CSMD1: variants seen among roughly 807,000 people sequenced by gnomAD.
The protein encoded by CSMD1 is CUB and Sushi multiple domains 1, also known as CUB and sushi domain-containing protein 1.
Under a neutral mutation model 417.5 loss-of-function variants are expected in CSMD1, and 213 were observed. The ratio of observed to expected loss-of-function variants is 0.51; its 90% CI spans 0.46 to 0.57. CSMD1 has a LOEUF of 0.57. CSMD1 is among the 20% of genes least tolerant of loss of function. The pLI, the probability that CSMD1 is intolerant of heterozygous loss-of-function variation, is 0.00. For missense variants in CSMD1, 6,923 were observed against 4,529.7 expected, an observed-to-expected ratio of 1.53 and a Z score of -15.17; for synonymous variants, 2,862 against 1,736.8, an observed-to-expected ratio of 1.65 and a Z score of -16.11.
chr8:3,254,847 G>T (rs1449868270), intron 26 of CSMD1, among the ~76,000 whole-genome samples: 1 of 151,960 alleles, frequency 6.6e-6, no homozygotes, highest in Non-Finnish European at 1.5e-5. Context: ...TCGTTTGCTA[G>T]TCTGAAGCCT....
chr8:4,502,271 G>A lies in CSMD1; in HGVS notation c.303-82206C>T, dbSNP rs181719499. Among the ~76,000 whole-genome samples the A allele has an allele frequency of 6.4e-4, 97 of 152,028 alleles. 2 individuals are homozygous for A. The highest frequency in any genetic ancestry group is 2.5e-4 in the Non-Finnish European group (17 of 67,976). ...GTTCTGGGTGCACATTCTTGCACTC[G>A]CATATCATTTTAGATTCTCCGAGGC... is the stretch of plus-strand genomic sequence containing the variant. On this transcript the variant is annotated intron_variant, in intron 2 of 69. Coordinates refer to ENST00000635120, the MANE Select transcript of CSMD1 (RefSeq NM_033225.6).
At chr8:4,490,865 C>T (rs1022970772) in intron 2 of CSMD1, among the ~76,000 whole-genome samples, 12 of 152,124 alleles carry the variant, frequency 7.9e-5, no homozygotes, top group South Asian at 2.1e-4. Context: ...TGTTACAGGA[C>T]GTGATTTAAT....
chr8:3,024,811 A>G (rs943710284), intron 51 of CSMD1, among the ~76,000 whole-genome samples: 20 of 152,228 alleles, frequency 1.3e-4, no homozygotes, highest in African/African-American at 4.1e-4. Flanking sequence ...ATTGCACTAA[A>G]GCTGGTTGTG....
At chr8:3,515,439 C>G (rs996352455) in intron 10 of CSMD1, 13 of 152,114 alleles carry the variant, frequency 8.5e-5, no homozygotes, top group African/African-American at 2.9e-4. Flanking sequence ...AATTTGCTAA[C>G]TAGAGATTTG....
intron 7 of CSMD1, among the ~76,000 whole-genome samples, chr8:3,676,366 T>C (rs1799375205): frequency 6.6e-6 from 1 of 152,170 alleles, no homozygotes; most frequent in Non-Finnish European, 1.5e-5. Flanking sequence ...GGCAGGATTG[T>C]TGTCAAAACT....
chr8:3,121,103 A>T (rs1187187588), intron 41 of CSMD1, among the ~76,000 whole-genome samples: 1 of 151,858 alleles, frequency 6.6e-6, no homozygotes, highest in Non-Finnish European at 1.5e-5. Context: ...AAAAAAAAAT[A>T]GGGAGAGACT....
chr8:3,869,726 GACCC>G (rs755598656), intron 5 of CSMD1, among the ~76,000 whole-genome samples: 3 of 152,082 alleles, frequency 2.0e-5, no homozygotes, highest in Non-Finnish European at 4.4e-5. Context: ...ATCCTGGCAG[GACCC>G]ACCCCAGCAG....
At chr8:3,703,745 A>C (rs1801005097) in intron 7 of CSMD1, among the ~76,000 whole-genome samples, 1 of 152,102 alleles carries the variant, frequency 6.6e-6, no homozygotes, top group Non-Finnish European at 1.5e-5. Flanking sequence ...AGTTTGTTTT[A>C]AATCTATGGC....
chr8:3,103,493 T>C (rs1029413313), intron 46 of CSMD1, among the ~76,000 whole-genome samples: 1 of 151,920 alleles, frequency 6.6e-6, no homozygotes, highest in Non-Finnish European at 1.5e-5. Context: ...CATTCTCACA[T>C]CTGAACTCAT....
At chr8:4,940,706 A>T (rs1807939239) in intron 1 of CSMD1, among the ~76,000 whole-genome samples, 1 of 152,222 alleles carries the variant, frequency 6.6e-6, no homozygotes, top group Non-Finnish European at 1.5e-5. Flanking sequence ...AACCAATTAA[A>T]ATATGCATGT....
intron 49 of CSMD1, among the ~76,000 whole-genome samples, chr8:3,068,171 ATT>A (rs1305111324): frequency 6.6e-6 from 1 of 152,016 alleles, no homozygotes; most frequent in Admixed American, 6.5e-5. Context: ...AGTTTTCACC[ATT>A]TCTCTCTGTG....
At chr8:4,395,968 A>G (rs1239160996) in intron 3 of CSMD1, among the ~76,000 whole-genome samples, 2 of 152,200 alleles carry the variant, frequency 1.3e-5, no homozygotes, top group African/African-American at 2.4e-5. Flanking sequence ...TTAACTTTAG[A>G]TAAATATATT....
At chr8:4,130,392 T>C (rs1201476483) in intron 3 of CSMD1, among the ~76,000 whole-genome samples, 1 of 152,118 alleles carries the variant, frequency 6.6e-6, no homozygotes, top group Admixed American at 6.6e-5. Flanking sequence ...AAAATATACT[T>C]TTGATCAACT....
intron 3 of CSMD1, among the ~76,000 whole-genome samples, chr8:4,191,954 CA>C (rs1190166781): frequency 2.0e-5 from 3 of 152,188 alleles, no homozygotes; most frequent in Non-Finnish European, 4.4e-5. Flanking sequence ...ACTGCACCCA[CA>C]GGCAAAACAC....
chr8:3,305,836 C>T (rs745719506), intron 25 of CSMD1, among the ~76,000 whole-genome samples: 12 of 152,120 alleles, frequency 7.9e-5, no homozygotes, highest in East Asian at 1.9e-4. Context: ...CCTGCCACCA[C>T]GTGTGGCTAA....
At chr8:4,274,388 A>C (rs547042970) in intron 3 of CSMD1, among the ~76,000 whole-genome samples, 3 of 152,278 alleles carry the variant, frequency 2.0e-5, no homozygotes, top group Admixed American at 2.0e-4. Flanking sequence ...TAAGATTTTA[A>C]ACACTATCAA....
intron 3 of CSMD1, among the ~76,000 whole-genome samples, chr8:4,039,570 A>G (rs1040338046): frequency 4.6e-5 from 7 of 152,188 alleles, no homozygotes; most frequent in African/African-American, 1.2e-4. Flanking sequence ...GGTGGCAGTC[A>G]TTGAATGCCT....
intron 22 of CSMD1, 147 bp from the exon 23 acceptor site, chr8:3,343,597 T>A (rs1389574325): frequency 5.9e-6 from 4 of 676,032 alleles, no homozygotes; most frequent in African/African-American, 1.8e-5. Flanking sequence ...AATGAAGGAC[T>A]TAGAGCTAAA....
chr8:3,004,727 CA>C (rs1377812227), intron 52 of CSMD1, among the ~76,000 whole-genome samples: 42 of 152,144 alleles, frequency 2.8e-4, no homozygotes, highest in African/African-American at 9.9e-4. Context: ...TGACTGTGGA[CA>C]GGGTAATTCA....
Sources: allele counts gnomAD v4.1 joint callset (sites outside exome capture counted in the v4.1 genomes callset), GRCh38; gene constraint gnomAD v4.1.1; transcripts MANE v1.5; gene names NCBI Gene and HGNC (gene_info 2026-07-23, HGNC 2026-07-21).